ALDH7A1: variants seen among roughly 807,000 people sequenced by gnomAD.
The protein encoded by ALDH7A1 is alpha-aminoadipic semialdehyde dehydrogenase.
ALDH7A1 carries 63 observed loss-of-function variants against 79.9 expected under a neutral mutation model. The observed-to-expected ratio is 0.79, with a 90% CI of 0.64 to 0.97. ALDH7A1 has a LOEUF of 0.97. ALDH7A1 is among the 50% of genes least tolerant of loss of function. The probability of loss-of-function intolerance (pLI) is 0.00; values close to 1 mark genes in which losing one functional copy is unlikely to be tolerated. For missense variants in ALDH7A1, 627 were observed against 665.2 expected (o/e 0.94, Z 0.63); for synonymous variants, 240 against 231.2 (o/e 1.04, Z -0.34).
chr5:126,560,627 G>A (rs1443635059), intron 10 of ALDH7A1, among the ~76,000 whole-genome samples: 1 of 144,464 alleles, frequency 6.9e-6, no homozygotes, highest in African/African-American at 2.6e-5. Context: ...CTATAGGTAA[G>A]TGATTTTTTT....
At chr5:126,592,872 C>G in intron 2 of ALDH7A1, 143 bp from the exon 3 acceptor site, 1 of 836,934 alleles carries the variant, frequency 1.2e-6, no homozygotes, top group Admixed American at 2.4e-5. Flanking sequence ...TTCCCACAGT[C>G]TATACTTCCA....
rs1351406944 is a variant in ALDH7A1 at position 126,570,820 on chromosome 5, A to G, written c.735T>C (p.Gly245=). Residue 245 remains glycine, a synonymous_variant, in exon 8 of 18, where the codon GGT becomes GGC. Transcript: ENST00000409134. The stretch of plus-strand genomic sequence containing the variant: ...CACCACAAGTCAAGGAACAAATTGC[A>G]CCAGGCAGCTTGTTGTCCTCCAGAA... The part of the protein sequence containing the change: ...AKVLEDNKLP[G]AICSLTCGGA... 6.2e-7 allele frequency: 1 copy of G among 1,614,050 alleles called. No homozygotes were observed. The highest frequency in any genetic ancestry group is 1.1e-5 in the South Asian group (1 of 91,084).
chr5:126,547,094 CCTCTGAAA>C (rs1322577092), intron 16 of ALDH7A1, among the ~76,000 whole-genome samples: 7 of 152,224 alleles, frequency 4.6e-5, no homozygotes, highest in Non-Finnish European at 4.4e-5. Flanking sequence ...GCTAACAGCG[CCTCTGAAA>C]CTCCTGGCAG....
At chr5:126,579,911 A>G (rs1473936470) in intron 5 of ALDH7A1, 1 of 164,124 alleles carries the variant, frequency 6.1e-6, no homozygotes, top group African/African-American at 2.4e-5. Context: ...AAGGGGCTAT[A>G]ATCACACCAC....
At position 126,544,638 on chromosome 5, in the gene ALDH7A1, T is replaced by C; in HGVS notation, c.*327A>G. On this transcript the variant is annotated 3_prime_UTR_variant, in exon 18 of 18. Transcript: ENST00000409134. ...CTTCTGTTTTCTCCTCGGTTCTGTA[T>C]TTTCCCAAATTCCTACCCTGGTACG... 1 of 345,438 alleles carries C rather than the reference T, an allele frequency of 2.9e-6. No individual in the cohort carries two copies. Among genetic ancestry groups the C allele is most frequent in the South Asian group, 2.7e-5 (1 of 37,460 alleles). The allele number at this position is 345,438 out of a possible 1,614,324, so 21.4% of individuals were successfully genotyped here. A position where few individuals can be genotyped will look rare whatever the true frequency, so the allele number is the denominator to read the frequency against.
rs754969438 is a variant in ALDH7A1, at chr5:126,592,691, T to G, written c.285A>C (p.Ala95=). ...CTGCCCAGATTTTCCATGCTTCTCTTGCTTTCTTTACAGTTTCTTCATAGT... is the reference window on the plus strand; with the variant it reads ...CTGCCCAGATTTTCCATGCTTCTCTGGCTTTCTTTACAGTTTCTTCATAGT... ...VADYEETVKK[A]REAWKIWADI... The change falls in exon 3 of 18, where the codon GCA becomes GCC. Residue 95 remains alanine, a synonymous_variant. Coordinates refer to ENST00000409134, the MANE Select transcript of ALDH7A1 (RefSeq NM_001182.5). 1.2e-6 allele frequency: 2 copies of G among 1,614,130 alleles called. No homozygotes were observed. The highest frequency in any genetic ancestry group is 8.5e-7 in the Non-Finnish European group (1 of 1,180,016).
chr5:126,593,704 A>G, intron 1 of ALDH7A1: 2 of 518,594 alleles, frequency 3.9e-6, no homozygotes, highest in Non-Finnish European at 6.9e-6. Flanking sequence ...ATAACAGACC[A>G]AACTGACTAG....
At position 126,544,988 on chromosome 5, in the gene ALDH7A1, C is replaced by T. The variant is rs749839120; in HGVS notation, c.1597G>A (p.Ala533Thr). The T allele has an allele frequency of 2.5e-5, 41 of 1,610,498 alleles. No individual in the cohort carries two copies. The highest frequency in any genetic ancestry group is 5.1e-6 in the Non-Finnish European group (6 of 1,177,036). The change falls in exon 18 of 18, where the codon GCC (alanine) becomes ACC (threonine). Residue 533 changes from alanine to threonine, a missense_variant. Ala to Thr is a moderately conservative substitution (Grantham distance 58). Transcript: ENST00000409134. Reference sequence around the variant, plus strand: ...CTTTACTGAAACTTGATTCCTTGGGCCAGAGGAAGGTCTTTACTGTAGTTG... The same window carrying T: ...CTTTACTGAAACTTGATTCCTTGGGTCAGAGGAAGGTCTTTACTGTAGTTG... ...TINYSKDLPL[A>T]QGIKFQ is the part of the protein sequence containing the mutation.
At chr5:126,548,326 T>C (rs905281356) in intron 16 of ALDH7A1, among the ~76,000 whole-genome samples, 4 of 152,058 alleles carry the variant, frequency 2.6e-5, no homozygotes, top group Non-Finnish European at 5.9e-5. Context: ...TTTTTTTTAA[T>C]TTTTGTAGAG....
intron 10 of ALDH7A1, 136 bp from the exon 11 acceptor site, chr5:126,559,470 T>C (rs1750325479): frequency 3.0e-6 from 2 of 658,152 alleles, no homozygotes; most frequent in Admixed American, 4.7e-5. Flanking sequence ...AGTTTTGTTC[T>C]TGTCACCCAG....
At position 126,584,471 on chromosome 5, in the gene ALDH7A1, G is replaced by A. The variant is rs1751289256; in HGVS notation, c.313-459C>T. ...GGTCAGGAGTTCGAGACCAGCCTGG[G>A]CAACATGGTGAAACCCCGTCTCTAC... On this transcript the variant is annotated intron_variant, in intron 3 of 17. Transcript: ENST00000409134. 1.6e-5 allele frequency: 3 copies of A among 186,780 alleles called. No individual in the cohort carries two copies. The South Asian group carries it at 3.3e-4, about 20-fold the overall frequency. The allele number at this position is 186,780 out of a possible 1,614,324, so 11.6% of individuals were successfully genotyped here.
chr5:126,562,139 T>C (rs1750422495), intron 9 of ALDH7A1: 1 of 152,184 alleles, frequency 6.6e-6, no homozygotes, highest in African/African-American at 2.4e-5. Context: ...GTGCATCATC[T>C]GATGAATTAG....
At chr5:126,585,229 G>A (rs1458562326) in intron 3 of ALDH7A1, among the ~76,000 whole-genome samples, 1 of 152,020 alleles carries the variant, frequency 6.6e-6, no homozygotes, top group Non-Finnish European at 1.5e-5. Context: ...ACCCCGGAGG[G>A]GGAGGTTGCA....
intron 7 of ALDH7A1, among the ~76,000 whole-genome samples, chr5:126,571,818 G>T (rs554917491): frequency 6.6e-6 from 1 of 152,216 alleles, no homozygotes; most frequent in South Asian, 2.1e-4. Flanking sequence ...TGGGGAAGGG[G>T]AAGGGATCCC....
At chr5:126,570,035 G>C (rs1750721339) in intron 8 of ALDH7A1, 2 of 152,216 alleles carry the variant, frequency 1.3e-5, no homozygotes, top group Non-Finnish European at 2.9e-5. Context: ...AGTAAAAGCA[G>C]CAAGACACAA....
intron 8 of ALDH7A1, chr5:126,569,037 C>G (rs34972014): frequency 0.055 from 8,371 of 152,740 alleles, 309 homozygotes; most frequent in South Asian, 0.1. Flanking sequence ...CAGTCTGTGG[C>G]CTATTAGGAG....
chr5:126,562,880 G>A (rs529431072), intron 9 of ALDH7A1, among the ~76,000 whole-genome samples: 2 of 152,148 alleles, frequency 1.3e-5, no homozygotes, highest in South Asian at 2.1e-4. Flanking sequence ...AGTGAAATAA[G>A]GTAGTCACTA....
At chr5:126,575,378 T>C in intron 7 of ALDH7A1, 42 bp downstream of exon 7, 1 of 1,594,982 alleles carries the variant, frequency 6.3e-7, no homozygotes, top group Non-Finnish European at 8.6e-7. Context: ...ACCCTTTCAA[T>C]ATTATTCCAT....
At chr5:126,555,264 C>T (rs1031478795) in intron 12 of ALDH7A1, 2 of 153,614 alleles carry the variant, frequency 1.3e-5, no homozygotes, top group Middle Eastern at 6.2e-3. Flanking sequence ...AGGCAGACTG[C>T]TTGAGGTCAG....
Sources: allele counts gnomAD v4.1 joint callset (sites outside exome capture counted in the v4.1 genomes callset), GRCh38; gene constraint gnomAD v4.1.1; transcripts MANE v1.5; gene names NCBI Gene and HGNC (gene_info 2026-07-23, HGNC 2026-07-21).